Variants in TSHZ2 observed in about 807,000 individuals in gnomAD.
TSHZ2 encodes the protein teashirt zinc finger homeobox 2.
In TSHZ2, 21 loss-of-function variants were observed where a neutral mutation model predicts 74.4. The observed-to-expected ratio is 0.28, with a 90% CI of 0.20 to 0.41. The LOEUF is 0.41. TSHZ2 is among the 10% of genes least tolerant of loss of function. The pLI is 1.00. For missense variants in TSHZ2, 1,244 were observed against 1,293.5 expected (o/e 0.96, Z 0.59); for synonymous variants, 540 against 515.3 (o/e 1.05, Z -0.65).
intron 1 of TSHZ2, among the ~76,000 whole-genome samples, chr20:53,094,597 C>G (rs1368608497): frequency 6.6e-6 from 1 of 152,186 alleles, no homozygotes; most frequent in Non-Finnish European, 1.5e-5. Context: ...CCTTTCTCCC[C>G]ACGGTGCAGT....
chr20:53,224,896 T>C (rs1363488760), intron 1 of TSHZ2, among the ~76,000 whole-genome samples: 1 of 152,068 alleles, frequency 6.6e-6, no homozygotes, highest in Non-Finnish European at 1.5e-5. Flanking sequence ...TTGTTATCAT[T>C]GGGTTATGTG....
chr20:52,993,891 G>A (rs184195453), intron 1 of TSHZ2, among the ~76,000 whole-genome samples: 68 of 152,266 alleles, frequency 4.5e-4, no homozygotes, highest in African/African-American at 1.3e-3. Flanking sequence ...CTTGCCTTCC[G>A]GAGGAGCAAA....
At chr20:53,298,216 G>A (rs569859493) in intron 2 of TSHZ2, among the ~76,000 whole-genome samples, 3 of 152,240 alleles carry the variant, frequency 2.0e-5, no homozygotes, top group Admixed American at 6.5e-5. Flanking sequence ...TGTACACGGA[G>A]ACATCAATTG....
intron 1 of TSHZ2, among the ~76,000 whole-genome samples, chr20:53,076,547 G>T (rs1985368629): frequency 6.6e-6 from 1 of 152,172 alleles, no homozygotes; most frequent in South Asian, 2.1e-4. Context: ...TTCCATACAA[G>T]CGATGCGGAG....
intron 1 of TSHZ2, among the ~76,000 whole-genome samples, chr20:53,131,798 C>A (rs1987107186): frequency 7.0e-6 from 1 of 143,242 alleles, no homozygotes. Context: ...TTACTCTTCA[C>A]TCATTTGCAC....
chr20:53,430,756 G>GTTTAT (rs1235105739), intron 2 of TSHZ2, among the ~76,000 whole-genome samples: 2 of 152,006 alleles, frequency 1.3e-5, no homozygotes, highest in East Asian at 3.9e-4. Flanking sequence ...GTTTAGTTTA[G>GTTTAT]TTTTGTTTTG....
At position 53,074,709 on chromosome 20, in the gene TSHZ2, T is replaced by C. The variant is rs1294594982; in HGVS notation, c.40+101376T>C. ...ATTATTTTTAACTATAGATACTAAT[T>C]ATAGTCTGAATTTTAAAGAAAAATT... On this transcript the variant is annotated intron_variant, in intron 1 of 2. Coordinates refer to ENST00000371497, the MANE Select transcript of TSHZ2 (RefSeq NM_173485.6). This position sits in a 1 kb window ranked among gnomAD's most constrained non-coding sequence, Gnocchi z 5.9. Among the ~76,000 whole-genome samples, 1 of 152,222 alleles carries C rather than the reference T, an allele frequency of 6.6e-6. No individual in the cohort carries two copies.
chr20:53,331,902 T>C (rs1359590193), intron 2 of TSHZ2, among the ~76,000 whole-genome samples: 3 of 151,616 alleles, frequency 2.0e-5, no homozygotes, highest in East Asian at 1.9e-4. Context: ...AAATAGAAAG[T>C]CATTTGGAGA....
At chr20:53,043,619 G>T (rs1488169576) in intron 1 of TSHZ2, among the ~76,000 whole-genome samples, 2 of 152,042 alleles carry the variant, frequency 1.3e-5, no homozygotes, top group Admixed American at 1.3e-4. Context: ...TGCCTTCATA[G>T]ATCAAATCAA....
chr20:53,126,766 G>A (rs1382534305), intron 1 of TSHZ2, among the ~76,000 whole-genome samples: 4 of 152,158 alleles, frequency 2.6e-5, no homozygotes, highest in Non-Finnish European at 4.4e-5. Context: ...TCTATAGCGC[G>A]AGGTAGTCAT....
At chr20:53,152,733 T>C (rs1002464015) in intron 1 of TSHZ2, among the ~76,000 whole-genome samples, 30 of 152,334 alleles carry the variant, frequency 2.0e-4, no homozygotes, top group African/African-American at 7.0e-4. Context: ...AATATGAAAT[T>C]ATGTCTGACA....
intron 1 of TSHZ2, among the ~76,000 whole-genome samples, chr20:53,089,665 A>C (rs1411474277): frequency 6.6e-6 from 1 of 152,198 alleles, no homozygotes; most frequent in African/African-American, 2.4e-5. Flanking sequence ...GAAGATTAAA[A>C]AGCTAGATCA....
chr20:53,082,477 A>G (rs1338978379), intron 1 of TSHZ2, among the ~76,000 whole-genome samples: 2 of 152,338 alleles, frequency 1.3e-5, no homozygotes, highest in Middle Eastern at 6.8e-3. Context: ...AGTACCTACT[A>G]CACGCTACTA....
intron 1 of TSHZ2, among the ~76,000 whole-genome samples, chr20:53,104,794 G>A (rs978533620): frequency 6.6e-6 from 1 of 152,194 alleles, no homozygotes; most frequent in Non-Finnish European, 1.5e-5. Context: ...CTGTTTTAAA[G>A]TAACAGTTCT....
At chr20:53,328,035 A>G (rs1366713441) in intron 2 of TSHZ2, among the ~76,000 whole-genome samples, 1 of 152,178 alleles carries the variant, frequency 6.6e-6, no homozygotes, top group Non-Finnish European at 1.5e-5. Flanking sequence ...AAGATATGCA[A>G]AGTGAAGCCT....
chr20:53,216,264 T>C (rs1436999531), intron 1 of TSHZ2, among the ~76,000 whole-genome samples: 1 of 152,184 alleles, frequency 6.6e-6, no homozygotes, highest in Non-Finnish European at 1.5e-5. Flanking sequence ...TCCCCAGCCC[T>C]CTCCACACCT....
chr20:53,190,568 T>G (rs1988715499), intron 1 of TSHZ2, among the ~76,000 whole-genome samples: 3 of 152,190 alleles, frequency 2.0e-5, no homozygotes, highest in Admixed American at 2.0e-4. Flanking sequence ...AAATAAAAGA[T>G]GTGCTGTATT....
At position 53,155,378 on chromosome 20, in the gene TSHZ2, T is replaced by C. The variant is rs115509492; in HGVS notation, c.41-98121T>C. Among the ~76,000 whole-genome samples the C allele has an allele frequency of 5.9e-3, 893 of 152,066 alleles. 11 individuals are homozygous for C. Among genetic ancestry groups the C allele is most frequent in the African/African-American group, 0.021 (862 of 41,450 alleles). ...GAAAGGAACCTTTGGTAGACGAACA[T>C]AGGACTCATGGTAACCTGGTCAAAA... On this transcript the variant is annotated intron_variant, in intron 1 of 2. Coordinates refer to ENST00000371497, the MANE Select transcript of TSHZ2 (RefSeq NM_173485.6).
intron 2 of TSHZ2, among the ~76,000 whole-genome samples, chr20:53,419,248 G>A (rs1232202664): frequency 2.0e-5 from 3 of 152,224 alleles, no homozygotes; most frequent in African/African-American, 7.2e-5. Flanking sequence ...CTAGGGTCCT[G>A]CAGACATTAG....
Sources: allele counts gnomAD v4.1 joint callset (sites outside exome capture counted in the v4.1 genomes callset), GRCh38; gene constraint gnomAD v4.1.1; non-coding constraint Gnocchi (gnomAD v3.1); transcripts MANE v1.5; gene names NCBI Gene and HGNC (gene_info 2026-07-23, HGNC 2026-07-21).